The following NRCAM variants were observed in gnomAD, a reference collection of about 807,000 sequenced individuals.
NRCAM encodes the protein neuronal cell adhesion molecule.
A neutral mutation model predicts 156.5 loss-of-function variants in NRCAM; 83 were observed. The observed-to-expected ratio is 0.53, with a 90% CI of 0.44 to 0.64. The LOEUF is 0.64. NRCAM is among the 30% of genes least tolerant of loss of function. The pLI is 0.00. For synonymous variants in NRCAM, 538 were observed against 563.9 expected (o/e 0.95, Z 0.65); for missense variants, 1,417 against 1,597.3 (o/e 0.89, Z 1.92).
intron 2 of NRCAM, among the ~76,000 whole-genome samples, chr7:108,354,548 T>C (rs1385044873): frequency 6.6e-6 from 1 of 152,178 alleles, no homozygotes; most frequent in Non-Finnish European, 1.5e-5. Context: ...TATAGACATA[T>C]AGATAGAATT....
At chr7:108,210,554 G>A (rs2083624225) in intron 11 of NRCAM, among the ~76,000 whole-genome samples, 1 of 152,102 alleles carries the variant, frequency 6.6e-6, no homozygotes, top group African/African-American at 2.4e-5. Flanking sequence ...TCCCAACTGT[G>A]TTTTTTATTG....
chr7:108,235,492 A>G (rs1487446727), intron 5 of NRCAM, among the ~76,000 whole-genome samples: 3 of 152,180 alleles, frequency 2.0e-5, no homozygotes, highest in African/African-American at 7.2e-5. Flanking sequence ...TGACTAAAGA[A>G]TAATTTTTTA....
intron 12 of NRCAM, among the ~76,000 whole-genome samples, chr7:108,208,703 C>T (rs1196564318): frequency 6.6e-6 from 1 of 152,118 alleles, no homozygotes; most frequent in Non-Finnish European, 1.5e-5. Flanking sequence ...TCAGTTATTT[C>T]GTAGACTGTC....
chr7:108,355,508 G>A (rs566649408), intron 2 of NRCAM, among the ~76,000 whole-genome samples: 1 of 152,188 alleles, frequency 6.6e-6, no homozygotes, highest in South Asian at 2.1e-4. Flanking sequence ...AAAAAATGAT[G>A]TATACAATAG....
chr7:108,424,108 A>C (rs1474963924), intron 1 of NRCAM, among the ~76,000 whole-genome samples: 6 of 152,150 alleles, frequency 3.9e-5, no homozygotes, highest in Non-Finnish European at 8.8e-5. Context: ...TGGATTATGC[A>C]CTCACATGAA....
intron 1 of NRCAM, among the ~76,000 whole-genome samples, chr7:108,438,457 T>C (rs903599943): frequency 5.3e-5 from 8 of 152,140 alleles, no homozygotes; most frequent in Non-Finnish European, 1.2e-4. Context: ...AAAATCCCTT[T>C]CATGATAAAA....
At chr7:108,358,338 G>C (rs1010360307) in intron 2 of NRCAM, among the ~76,000 whole-genome samples, 1 of 151,892 alleles carries the variant, frequency 6.6e-6, no homozygotes, top group Non-Finnish European at 1.5e-5. Context: ...CAGGGAGGTC[G>C]AGGCTGCAGT....
At chr7:108,384,925 G>A (rs1263607154) in intron 2 of NRCAM, among the ~76,000 whole-genome samples, 1 of 152,154 alleles carries the variant, frequency 6.6e-6, no homozygotes, top group African/African-American at 2.4e-5. Flanking sequence ...TCGTGAAGCT[G>A]AAACTAAACA....
chr7:108,447,831 C>T (rs1473051430), intron 1 of NRCAM, among the ~76,000 whole-genome samples: 3 of 152,202 alleles, frequency 2.0e-5, no homozygotes, highest in African/African-American at 7.2e-5. Flanking sequence ...CAAAGTACTA[C>T]AGTAAAATAT....
chr7:108,406,425 G>A (rs1443590273), intron 1 of NRCAM, among the ~76,000 whole-genome samples: 1 of 152,166 alleles, frequency 6.6e-6, no homozygotes, highest in Non-Finnish European at 1.5e-5. Flanking sequence ...GGATTAGGGA[G>A]TTTCTACTAT....
chr7:108,196,252 A>G (rs547595309), intron 14 of NRCAM, among the ~76,000 whole-genome samples: 2 of 152,320 alleles, frequency 1.3e-5, no homozygotes, highest in South Asian at 4.1e-4. Flanking sequence ...TGGGGAACAC[A>G]TAAGCTGGCA....
chr7:108,437,026 C>T (rs1833022150), intron 1 of NRCAM, among the ~76,000 whole-genome samples: 1 of 152,136 alleles, frequency 6.6e-6, no homozygotes, highest in African/African-American at 2.4e-5. Context: ...AAGTGTCCAT[C>T]AACAGATGAA....
Position 108,399,534 on chromosome 7 carries a change from T to A in NRCAM, c.-272A>T, listed in dbSNP as rs6973727. On this transcript the variant is annotated 5_prime_UTR_variant, in exon 2 of 33. Coordinates refer to ENST00000379028, the MANE Select transcript of NRCAM (RefSeq NM_001037132.4). ...AATGCCAACAGCTAAGACCAGCTTTTGTCGAAGTCTTCAGCAAACAGGGGA... is the reference window on the plus strand; with the variant it reads ...AATGCCAACAGCTAAGACCAGCTTTAGTCGAAGTCTTCAGCAAACAGGGGA... 6.6e-6 allele frequency: 1 copy of A among 152,160 alleles called. No individual in the cohort carries two copies. The highest frequency in any genetic ancestry group is 1.5e-5 in the Non-Finnish European group (1 of 68,048). The allele number at this position is 152,160 out of a possible 1,614,324, so 9.4% of individuals were successfully genotyped here.
chr7:108,348,482 A>G (rs1451716669), intron 2 of NRCAM, among the ~76,000 whole-genome samples: 4 of 152,202 alleles, frequency 2.6e-5, no homozygotes, highest in Non-Finnish European at 5.9e-5. Flanking sequence ...GAGGACTGAC[A>G]GGATAAAAGG....
chr7:108,241,151 C>T (rs1433949839), intron 3 of NRCAM, among the ~76,000 whole-genome samples: 3 of 152,182 alleles, frequency 2.0e-5, no homozygotes, highest in Admixed American at 2.0e-4. Flanking sequence ...TTGTTGTAAA[C>T]ATCACATACA....
At chr7:108,391,799 G>A (rs1252913439) in intron 2 of NRCAM, among the ~76,000 whole-genome samples, 1 of 152,170 alleles carries the variant, frequency 6.6e-6, no homozygotes, top group Non-Finnish European at 1.5e-5. Flanking sequence ...GCATTTGCTT[G>A]TCAGTAAAGG....
chr7:108,375,771 C>G (rs1164426854), intron 2 of NRCAM, among the ~76,000 whole-genome samples: 1 of 152,166 alleles, frequency 6.6e-6, no homozygotes, highest in Non-Finnish European at 1.5e-5. Flanking sequence ...AATTTTTTCA[C>G]TGCATTTGAT....
At chr7:108,186,622 A>G (rs1360121464) in intron 20 of NRCAM, among the ~76,000 whole-genome samples, 1 of 152,172 alleles carries the variant, frequency 6.6e-6, no homozygotes, top group Non-Finnish European at 1.5e-5. Context: ...GTGTCTCCAT[A>G]ATTTATTTTT....
chr7:108,239,792 G>T (rs995562307), intron 4 of NRCAM, among the ~76,000 whole-genome samples, 167 bp downstream of exon 4: 1 of 152,174 alleles, frequency 6.6e-6, no homozygotes, highest in African/African-American at 2.4e-5. Context: ...CACTTCTACA[G>T]TGTGAATCTT....
Sources: allele counts gnomAD v4.1 joint callset (sites outside exome capture counted in the v4.1 genomes callset), GRCh38; gene constraint gnomAD v4.1.1; transcripts MANE v1.5; gene names NCBI Gene and HGNC (gene_info 2026-07-23, HGNC 2026-07-21).